Variants in OR5H14 observed in about 807,000 individuals in gnomAD.
OR5H14 encodes the protein olfactory receptor 5H14.
For synonymous variants in OR5H14, 155 were observed against 130.6 expected, an observed-to-expected ratio of 1.19 and a Z score of -1.28; for missense variants, 392 against 363.9, an observed-to-expected ratio of 1.08 and a Z score of -0.63.
Position 98,154,842 on chromosome 3 carries a change from G to GTAAC in OR5H14, c.*4525_*4528dup, listed in dbSNP as rs1225849384. ...ATAGTTTGATTTTGAAACAAAGATGGTAACAGTCTCTCCTCAAAGCAAACT... is the reference window on the plus strand; with the variant it reads ...ATAGTTTGATTTTGAAACAAAGATGGTAACTAACAGTCTCTCCTCAAAGCAAACT... On this transcript the variant is annotated 3_prime_UTR_variant, in exon 2 of 2. Coordinates refer to ENST00000641380, the MANE Select transcript of OR5H14 (RefSeq NM_001005514.2). 3.3e-5 allele frequency: 5 copies of GTAAC among 151,990 alleles called. No homozygotes were observed. The East Asian group carries it at 7.7e-4, about 23-fold the overall frequency. 9.4% of individuals were successfully genotyped at this position (151,990 alleles called of 1,614,324 possible). A position where few individuals can be genotyped will look rare whatever the true frequency, so the allele number is the denominator to read the frequency against.
chr3:98,155,811 C>A lies in OR5H14; in HGVS notation c.*5493C>A, dbSNP rs1189780882. On this transcript the variant is annotated 3_prime_UTR_variant, in exon 2 of 2. Transcript: ENST00000641380. Reference sequence around the variant, plus strand: ...TATTTTATGTACAAACTGAAGTGTGCGTAAAATCTCAGAAGTGTTATGTGT... The same window carrying A: ...TATTTTATGTACAAACTGAAGTGTGAGTAAAATCTCAGAAGTGTTATGTGT... 6.6e-6 allele frequency: 1 copy of A among 152,040 alleles called. No individual in the cohort carries two copies. The highest frequency in any genetic ancestry group is 1.5e-5 in the Non-Finnish European group (1 of 68,002). 9.4% of individuals were successfully genotyped at this position (152,040 alleles called of 1,614,324 possible).
Position 98,156,314 on chromosome 3 carries a change from A to C in OR5H14, c.*5996A>C. 6.6e-6 allele frequency: 1 copy of C among 152,160 alleles called. No individual in the cohort carries two copies. Among genetic ancestry groups the C allele is most frequent in the East Asian group, 1.9e-4 (1 of 5,202 alleles). The allele number at this position is 152,160 out of a possible 1,614,324, so 9.4% of individuals were successfully genotyped here. A position where few individuals can be genotyped will look rare whatever the true frequency, so the allele number is the denominator to read the frequency against. ...TTATCATATCCACTATTATTTTTAA[A>C]GAAATTTTAAAATGCTATTTAATAT... On this transcript the variant is annotated 3_prime_UTR_variant, in exon 2 of 2. Transcript: ENST00000641380.
rs73852821 is a variant in OR5H14 at position 98,155,245 on chromosome 3, G to A, written c.*4927G>A. On this transcript the variant is annotated 3_prime_UTR_variant, in exon 2 of 2. Transcript: ENST00000641380. ...CGTGTTTAGAAAACCCTACCCTCTG[G>A]ATTTTTGGAAAGGGTGATCTGAGTA... 21,808 of 137,918 alleles carry A rather than the reference G, an allele frequency of 0.16. 70 individuals are homozygous for A. Among genetic ancestry groups the A allele is most frequent in the East Asian group, 0.34 (1,500 of 4,368 alleles). 8.5% of individuals were successfully genotyped at this position (137,918 alleles called of 1,614,324 possible).
rs138875243 is a variant in OR5H14, at chr3:98,148,040, C to A, written c.-19+486C>A. 2.9e-3 allele frequency: 445 copies of A among 151,876 alleles called. 3 individuals carry two copies. The highest frequency in any genetic ancestry group is 0.01 in the African/African-American group (427 of 41,446). The allele number at this position is 151,876 out of a possible 1,614,324, so 9.4% of individuals were successfully genotyped here. On this transcript the variant is annotated intron_variant, in intron 1 of 1. Coordinates refer to ENST00000641380, the MANE Select transcript of OR5H14 (RefSeq NM_001005514.2). ...AATGTTATTGATGTAAATAAAGGTA[C>A]CTTTAAGTAGGGTCCTGGTAATTCT...
Position 98,152,649 on chromosome 3 carries a change from G to A in OR5H14, c.*2331G>A, listed in dbSNP as rs1326658525. The A allele has an allele frequency of 2.0e-5, 3 of 151,964 alleles. No homozygotes were observed. Among genetic ancestry groups the A allele is most frequent in the Non-Finnish European group, 4.4e-5 (3 of 67,996 alleles). 9.4% of individuals were successfully genotyped at this position (151,964 alleles called of 1,614,324 possible). On this transcript the variant is annotated 3_prime_UTR_variant, in exon 2 of 2. Coordinates refer to ENST00000641380, the MANE Select transcript of OR5H14 (RefSeq NM_001005514.2). ...GAACATCACAAACTGGAGCCTGTCAGGGGGTGGAGGGGAAAGGTAGGGAGA... is the reference window on the plus strand; with the variant it reads ...GAACATCACAAACTGGAGCCTGTCAAGGGGTGGAGGGGAAAGGTAGGGAGA...
Position 98,152,052 on chromosome 3 carries a change from C to T in OR5H14, c.*1734C>T, listed in dbSNP as rs879378552. 6 of 152,126 alleles carry T rather than the reference C, an allele frequency of 3.9e-5. No homozygotes were observed. Among genetic ancestry groups the T allele is most frequent in the African/African-American group, 1.4e-4 (6 of 41,446 alleles). The allele number at this position is 152,126 out of a possible 1,614,324, so 9.4% of individuals were successfully genotyped here. A position where few individuals can be genotyped will look rare whatever the true frequency, so the allele number is the denominator to read the frequency against. ...ATGCAACCAGCAAGCATGTGAAAAC[C>T]TTGTCATCACTGGTCATTACAGAAA... On this transcript the variant is annotated 3_prime_UTR_variant, in exon 2 of 2. Coordinates refer to ENST00000641380, the MANE Select transcript of OR5H14 (RefSeq NM_001005514.2).
rs1265033605 is a variant in OR5H14 at position 98,150,536 on chromosome 3, G to C, written c.*218G>C. The C allele has an allele frequency of 5.3e-6, 2 of 380,778 alleles. No individual in the cohort carries two copies. The highest frequency in any genetic ancestry group is 9.4e-6 in the Non-Finnish European group (2 of 213,174). 23.6% of individuals were successfully genotyped at this position (380,778 alleles called of 1,614,324 possible). On this transcript the variant is annotated 3_prime_UTR_variant, in exon 2 of 2. Coordinates refer to ENST00000641380, the MANE Select transcript of OR5H14 (RefSeq NM_001005514.2). ...AATCAAGTCTTCATAATAGAATAAT[G>C]ATAGCAGAAGCAAATAAAAATATTG...
rs569415195 is a variant in OR5H14 at position 98,149,233 on chromosome 3, G to A, written c.-18-135G>A. The A allele has an allele frequency of 4.6e-5, 45 of 976,080 alleles. No homozygotes were observed. In the African/African-American group the frequency reaches 5.1e-4, roughly 11 times the overall value. 60.5% of individuals were successfully genotyped at this position (976,080 alleles called of 1,614,324 possible). ...TTTTTCATTTCTTTAACCCCTTATA[G>A]GATTTCTTATTTATAATAATGATCA... On this transcript the variant is annotated intron_variant, in intron 1 of 1. Transcript: ENST00000641380.
chr3:98,149,271 T>G, intron 1 of OR5H14, 97 bp from the exon 2 acceptor site: 1 of 1,266,568 alleles, frequency 7.9e-7, no homozygotes, highest in Non-Finnish European at 1.1e-6. Flanking sequence ...AAATTGAGTC[T>G]CTGATAATTG....
chr3:98,148,971 A>G, intron 1 of OR5H14, among the ~76,000 whole-genome samples: 1 of 152,052 alleles, frequency 6.6e-6, no homozygotes, highest in East Asian at 1.9e-4. Flanking sequence ...GGCATTTCCC[A>G]TCTGAAAGTA....
At position 98,151,911 on chromosome 3, in the gene OR5H14, AG is replaced by A. The variant is rs1708514194; in HGVS notation, c.*1596del. The A allele has an allele frequency of 6.6e-6, 1 of 152,164 alleles. No homozygotes were observed. Among genetic ancestry groups the A allele is most frequent in the African/African-American group, 2.4e-5 (1 of 41,442 alleles). The allele number at this position is 152,164 out of a possible 1,614,324, so 9.4% of individuals were successfully genotyped here. A position where few individuals can be genotyped will look rare whatever the true frequency, so the allele number is the denominator to read the frequency against. On this transcript the variant is annotated 3_prime_UTR_variant, in exon 2 of 2. Coordinates refer to ENST00000641380, the MANE Select transcript of OR5H14 (RefSeq NM_001005514.2). ...TTTTTGCAATCTGTCCATATGACAA[AG>A]GGCTAATATCCAGAATCTACAAGGA...
In OR5H14 at chr3:98,152,341, C is replaced by T. The variant is rs1260589837; in HGVS notation, c.*2023C>T. 2 of 152,114 alleles carry T rather than the reference C, an allele frequency of 1.3e-5. No individual in the cohort carries two copies. The highest frequency in any genetic ancestry group is 2.9e-5 in the Non-Finnish European group (2 of 68,030). The allele number at this position is 152,114 out of a possible 1,614,324, so 9.4% of individuals were successfully genotyped here. A position where few individuals can be genotyped will look rare whatever the true frequency, so the allele number is the denominator to read the frequency against. ...TATAAATCCTTCTAATATAAAGACA[C>T]ATGCACATGTATGTTTACTGGAGCA... On this transcript the variant is annotated 3_prime_UTR_variant, in exon 2 of 2. Transcript: ENST00000641380.
Position 98,154,136 on chromosome 3 carries a change from A to C in OR5H14, c.*3818A>C, listed in dbSNP as rs1223787857. On this transcript the variant is annotated 3_prime_UTR_variant, in exon 2 of 2. Transcript: ENST00000641380. ...GAATGTTTTACAAATCATACTTTTAATTTTGCCTTATAGTCAGAGATTAAT... is the reference window on the plus strand; with the variant it reads ...GAATGTTTTACAAATCATACTTTTACTTTTGCCTTATAGTCAGAGATTAAT... The C allele has an allele frequency of 6.6e-6, 1 of 152,130 alleles. No homozygotes were observed. The highest frequency in any genetic ancestry group is 1.5e-5 in the Non-Finnish European group (1 of 68,018). The allele number at this position is 152,130 out of a possible 1,614,324, so 9.4% of individuals were successfully genotyped here.
chr3:98,149,603 T>C lies in OR5H14; in HGVS notation c.218T>C (p.Leu73Ser). 1 of 1,613,606 alleles carries C rather than the reference T, an allele frequency of 6.2e-7. No homozygotes were observed. The highest frequency in any genetic ancestry group is 1.1e-5 in the South Asian group (1 of 91,074). Residue 73 changes from leucine to serine, a missense_variant, in exon 2 of 2, where the codon TTA (leucine) becomes TCA (serine). Coordinates refer to ENST00000641380, the MANE Select transcript of OR5H14 (RefSeq NM_001005514.2). ...LGNLAFVDAL[L>S]SSSVTLKMLI... ...AATTTAGCTTTTGTGGATGCTTTGT[T>C]ATCATCCTCAGTGACTCTGAAGATG...
At chr3:98,149,206 T>C (rs1465005285) in intron 1 of OR5H14, 162 bp from the exon 2 acceptor site, 2 of 787,180 alleles carry the variant, frequency 2.5e-6, no homozygotes, top group East Asian at 5.4e-5. Context: ...AAATATGACA[T>C]TTTTTTCATT....
At chr3:98,147,699 A>G in intron 1 of OR5H14, 145 bp downstream of exon 1, 1 of 152,100 alleles carries the variant, frequency 6.6e-6, no homozygotes, top group South Asian at 2.1e-4. Context: ...TACTGTCTTT[A>G]GATTTCAGTT....
In OR5H14 at chr3:98,154,320, C is replaced by T. The variant is rs541403400; in HGVS notation, c.*4002C>T. On this transcript the variant is annotated 3_prime_UTR_variant, in exon 2 of 2. Coordinates refer to ENST00000641380, the MANE Select transcript of OR5H14 (RefSeq NM_001005514.2). ...TCTTTCCTGTCTACCTTAGGTACCT[C>T]ACGTTTGGCTTCAGCTATAGGATTA... is the stretch of plus-strand genomic sequence containing the variant. The T allele has an allele frequency of 3.1e-4, 47 of 152,282 alleles. No individual in the cohort carries two copies. Among genetic ancestry groups the T allele is most frequent in the African/African-American group, 1.1e-3 (45 of 41,572 alleles). 9.4% of individuals were successfully genotyped at this position (152,282 alleles called of 1,614,324 possible).
rs1226136277 is a variant in OR5H14, at chr3:98,151,085, A to T, written c.*767A>T. 1 of 152,150 alleles carries T rather than the reference A, an allele frequency of 6.6e-6. No homozygotes were observed. Among genetic ancestry groups the T allele is most frequent in the East Asian group, 1.9e-4 (1 of 5,196 alleles). 9.4% of individuals were successfully genotyped at this position (152,150 alleles called of 1,614,324 possible). On this transcript the variant is annotated 3_prime_UTR_variant, in exon 2 of 2. Transcript: ENST00000641380. ...AATGAAAAAATAGAACTTAGTTTAA[A>T]GTGGGGATAGAAAAGAAAAGATAAA... is the stretch of plus-strand genomic sequence containing the variant.
chr3:98,150,636 C>A lies in OR5H14; in HGVS notation c.*318C>A, dbSNP rs1278419915. On this transcript the variant is annotated 3_prime_UTR_variant, in exon 2 of 2. Coordinates refer to ENST00000641380, the MANE Select transcript of OR5H14 (RefSeq NM_001005514.2). Reference sequence around the variant, plus strand: ...AATAGTCTAGTTTATCTGATAAGCACTTAAGTATGATGTTTTTGATACTAA... The same window carrying A: ...AATAGTCTAGTTTATCTGATAAGCAATTAAGTATGATGTTTTTGATACTAA... The A allele has an allele frequency of 5.6e-6, 1 of 178,562 alleles. No individual in the cohort carries two copies. The highest frequency in any genetic ancestry group is 1.2e-5 in the Non-Finnish European group (1 of 85,180). 11.1% of individuals were successfully genotyped at this position (178,562 alleles called of 1,614,324 possible).
Sources: gnomAD v4.1 joint callset for allele counts (sites outside exome capture counted in the v4.1 genomes callset) on GRCh38, gnomAD v4.1.1 for gene constraint, MANE v1.5 for transcripts, NCBI Gene and HGNC (gene_info 2026-07-23, HGNC 2026-07-21) for gene names.